The following PTPRG variants were observed in gnomAD, a reference collection of about 807,000 sequenced individuals.
PTPRG encodes the protein receptor-type tyrosine-protein phosphatase gamma.
PTPRG carries 102 observed loss-of-function variants against 165.3 expected under a neutral mutation model. The ratio of observed to expected loss-of-function variants is 0.62; its 90% confidence interval spans 0.53 to 0.73. PTPRG has a LOEUF of 0.73. Among genes scored for constraint, PTPRG ranks in the 30% least tolerant of loss-of-function variants. PTPRG has a pLI of 0.00. For missense variants in PTPRG, 1,866 were observed against 1,861.4 expected (o/e 1.00, Z -0.05); for synonymous variants, 675 against 669.5 (o/e 1.01, Z -0.13).
chr3:62,160,389 A>G (rs1407326969), intron 7 of PTPRG, among the ~76,000 whole-genome samples: 2 of 152,270 alleles, frequency 1.3e-5, no homozygotes, highest in Admixed American at 1.3e-4. Context: ...CAGCATTGCT[A>G]ATGGAACCGC....
Position 62,237,518 on chromosome 3 carries a change from G to A in PTPRG, c.2375+6207G>A, listed in dbSNP as rs1024325023. ...TTGACGTTGACAGCTGATACTGGCC[G>A]ATGTGTTTCACATCCTGACTAAAAG... On this transcript the variant is annotated intron_variant, in intron 14 of 29. Transcript: ENST00000474889. The surrounding 1 kb of genome is among the most constrained non-coding windows in gnomAD (Gnocchi z 4.5). Among the ~76,000 whole-genome samples, 4 of 152,282 alleles carry A rather than the reference G, an allele frequency of 2.6e-5. No individual in the cohort carries two copies. Among genetic ancestry groups the A allele is most frequent in the African/African-American group, 7.2e-5 (3 of 41,552 alleles).
chr3:61,976,672 C>G (rs1376199661), intron 2 of PTPRG, among the ~76,000 whole-genome samples: 3 of 151,156 alleles, frequency 2.0e-5, no homozygotes, highest in Non-Finnish European at 4.4e-5. Flanking sequence ...ACTGTAGGGT[C>G]TTTTTAAAAA....
chr3:61,647,951 T>G (rs979390262), intron 1 of PTPRG, among the ~76,000 whole-genome samples: 1 of 152,170 alleles, frequency 6.6e-6, no homozygotes, highest in Non-Finnish European at 1.5e-5. Flanking sequence ...CCGTTATGGC[T>G]TGTCTATCTA....
chr3:61,919,250 T>C (rs1418370268), intron 2 of PTPRG, among the ~76,000 whole-genome samples: 1 of 152,146 alleles, frequency 6.6e-6, no homozygotes, highest in Non-Finnish European at 1.5e-5. Context: ...TGCGTTGAGG[T>C]TGGAGATACA....
chr3:62,239,241 A>G (rs1198961339), intron 14 of PTPRG, among the ~76,000 whole-genome samples: 2 of 152,162 alleles, frequency 1.3e-5, no homozygotes, highest in African/African-American at 4.8e-5. Context: ...GAGGGTCTGT[A>G]AGGGTAAGTT....
chr3:61,791,917 C>G (rs955827135), intron 2 of PTPRG, among the ~76,000 whole-genome samples: 23 of 152,126 alleles, frequency 1.5e-4, no homozygotes. Flanking sequence ...TTATTTTTAT[C>G]TCACTTTTTA....
intron 2 of PTPRG, among the ~76,000 whole-genome samples, chr3:61,831,203 C>T (rs2036282914): frequency 1.3e-5 from 2 of 152,170 alleles, no homozygotes; most frequent in South Asian, 4.1e-4. Context: ...AGGCATAACC[C>T]AGGATACTCC....
At chr3:62,223,809 T>C (rs1700702453) in intron 13 of PTPRG, among the ~76,000 whole-genome samples, 1 of 152,204 alleles carries the variant, frequency 6.6e-6, no homozygotes. Flanking sequence ...TGTACAGAGC[T>C]AAATGAATTT....
At chr3:61,878,291 A>G (rs571177459) in intron 2 of PTPRG, among the ~76,000 whole-genome samples, 1 of 152,314 alleles carries the variant, frequency 6.6e-6, no homozygotes, top group South Asian at 2.1e-4. Flanking sequence ...TAGCGATAGT[A>G]AATATGAGCT....
At position 61,822,935 on chromosome 3, in the gene PTPRG, C is replaced by T. The variant is rs541999834; in HGVS notation, c.190+73953C>T. Reference sequence around the variant, plus strand: ...CATGGCCGATGGTGACTTGAAAACACCTCCCTGTGTGTGTTTTCTGGGAAA... The same window carrying T: ...CATGGCCGATGGTGACTTGAAAACATCTCCCTGTGTGTGTTTTCTGGGAAA... On this transcript the variant is annotated intron_variant, in intron 2 of 29. Coordinates refer to ENST00000474889, the MANE Select transcript of PTPRG (RefSeq NM_002841.4). Among the ~76,000 whole-genome samples the T allele has an allele frequency of 9.9e-5, 15 of 152,276 alleles. 1 individual carries two copies. Among genetic ancestry groups the T allele is most frequent in the Admixed American group, 7.8e-4 (12 of 15,294 alleles).
chr3:62,237,378 G>A lies in PTPRG; in HGVS notation c.2375+6067G>A, dbSNP rs1048020533. Among the ~76,000 whole-genome samples the A allele has an allele frequency of 2.0e-5, 3 of 152,232 alleles. No individual in the cohort carries two copies. The highest frequency in any genetic ancestry group is 4.8e-5 in the African/African-American group (2 of 41,534). Reference sequence around the variant, plus strand: ...CTGGAATTTTATTAATACTTATAAAGGACTGTCAGAGCAGCTGGGCGTGTG... The same window carrying A: ...CTGGAATTTTATTAATACTTATAAAAGACTGTCAGAGCAGCTGGGCGTGTG... On this transcript the variant is annotated intron_variant, in intron 14 of 29. Coordinates refer to ENST00000474889, the MANE Select transcript of PTPRG (RefSeq NM_002841.4). This position sits in a 1 kb window ranked among gnomAD's most constrained non-coding sequence, Gnocchi z 4.5.
chr3:62,132,574 T>C (rs1215782367), intron 5 of PTPRG, 28 bp from the exon 6 acceptor site: 1 of 1,545,330 alleles, frequency 6.5e-7, no homozygotes, highest in Admixed American at 1.7e-5. Context: ...AGAATAGATT[T>C]AACCAATCAT....
chr3:62,166,547 G>A (rs1704993376), intron 7 of PTPRG, among the ~76,000 whole-genome samples: 1 of 151,852 alleles, frequency 6.6e-6, no homozygotes, highest in Admixed American at 6.6e-5. Context: ...TGTTGGCCAG[G>A]CTGGTCTCGA....
rs185099283 is a variant in PTPRG, at chr3:61,610,684, A to G, written c.85+48312A>G. On this transcript the variant is annotated intron_variant, in intron 1 of 29. Coordinates refer to ENST00000474889, the MANE Select transcript of PTPRG (RefSeq NM_002841.4). ...TTAAGTGACCATTCCTTTCACAGGTAGGTAGTTATTTTCGTTTCACTCACT... is the reference window on the plus strand; with the variant it reads ...TTAAGTGACCATTCCTTTCACAGGTGGGTAGTTATTTTCGTTTCACTCACT... Among the ~76,000 whole-genome samples, 10 of 152,160 alleles carry G rather than the reference A, an allele frequency of 6.6e-5. No individual in the cohort carries two copies. In the East Asian group the frequency reaches 1.9e-3, roughly 29 times the overall value.
rs1702044292 is a variant in PTPRG, at chr3:62,271,078, C to A, written c.3010-305C>A. ...GGGGCAGAAAGTCAGGAAATGGAGG[C>A]CTTGCAGGAAAAGTACAAGTGCTTT... On this transcript the variant is annotated intron_variant, in intron 20 of 29. Transcript: ENST00000474889. This position sits in a 1 kb window ranked among gnomAD's most constrained non-coding sequence, Gnocchi z 4.1. Among the ~76,000 whole-genome samples the A allele has an allele frequency of 6.6e-6, 1 of 151,970 alleles. No individual in the cohort carries two copies. The highest frequency in any genetic ancestry group is 2.1e-4 in the South Asian group (1 of 4,800).
intron 21 of PTPRG, among the ~76,000 whole-genome samples, chr3:62,272,483 C>G (rs533436944): frequency 2.7e-4 from 41 of 152,220 alleles, no homozygotes; most frequent in Admixed American, 7.9e-4. Context: ...TACTCAAATA[C>G]ATGTCGCTTG....
At chr3:62,181,236 T>C (rs1705635094) in intron 8 of PTPRG, among the ~76,000 whole-genome samples, 1 of 152,176 alleles carries the variant, frequency 6.6e-6, no homozygotes, top group Non-Finnish European at 1.5e-5. Flanking sequence ...CGGAAGAAGG[T>C]GGCGGGCTAG....
chr3:61,908,666 A>C (rs2038720100), intron 2 of PTPRG, among the ~76,000 whole-genome samples: 1 of 152,198 alleles, frequency 6.6e-6, no homozygotes, highest in Non-Finnish European at 1.5e-5. Flanking sequence ...GAAAGAAAGC[A>C]AACATGAATT....
intron 4 of PTPRG, among the ~76,000 whole-genome samples, chr3:62,009,928 A>G (rs1361094522): frequency 6.6e-6 from 1 of 152,014 alleles, no homozygotes; most frequent in Non-Finnish European, 1.5e-5. Flanking sequence ...ATTTGTATGC[A>G]TGTATGAATG....
Sources: gnomAD v4.1 joint callset for allele counts (sites outside exome capture counted in the v4.1 genomes callset) on GRCh38, gnomAD v4.1.1 for gene constraint, Gnocchi (gnomAD v3.1) non-coding constraint, MANE v1.5 for transcripts, NCBI Gene and HGNC (gene_info 2026-07-23, HGNC 2026-07-21) for gene names.